Variants in SNTG1 observed in about 807,000 individuals in gnomAD.
SNTG1 encodes syntrophin gamma 1.
SNTG1 carries 39 observed loss-of-function variants against 74.7 expected under a neutral mutation model. The observed-to-expected ratio is 0.52, with a 90% CI of 0.40 to 0.68. SNTG1 has a LOEUF of 0.68. Ranked by LOEUF, SNTG1 falls within the 30% of genes least tolerant of loss-of-function variation. The pLI, the probability that SNTG1 is intolerant of heterozygous loss-of-function variation, is 0.00. For missense variants in SNTG1, 685 were observed against 609.5 expected, an observed-to-expected ratio of 1.12 and a Z score of -1.30; for synonymous variants, 254 against 217.1, an observed-to-expected ratio of 1.17 and a Z score of -1.49.
At chr8:50,648,885 G>C (rs1436460277) in intron 13 of SNTG1, among the ~76,000 whole-genome samples, 1 of 151,974 alleles carries the variant, frequency 6.6e-6, no homozygotes, top group Non-Finnish European at 1.5e-5. Flanking sequence ...TGATAATAAT[G>C]GTCTTGCTTT....
At chr8:50,763,760 G>A (rs868324770) in intron 18 of SNTG1, among the ~76,000 whole-genome samples, 4 of 144,014 alleles carry the variant, frequency 2.8e-5, no homozygotes, top group South Asian at 2.2e-4. Flanking sequence ...TTGTTAAAAC[G>A]TCTATATTAC....
intron 8 of SNTG1, among the ~76,000 whole-genome samples, chr8:50,478,656 C>A (rs2093715613): frequency 6.6e-6 from 1 of 152,106 alleles, no homozygotes; most frequent in South Asian, 2.1e-4. Context: ...ATGTGTGTGG[C>A]TGAAACTATC....
chr8:50,251,231 G>T (rs753446936), intron 2 of SNTG1, among the ~76,000 whole-genome samples: 1 of 151,826 alleles, frequency 6.6e-6, no homozygotes, highest in Admixed American at 6.6e-5. Flanking sequence ...TAGTAAATGT[G>T]CAAATGAGAA....
chr8:50,368,552 A>C (rs1258556058), intron 2 of SNTG1, among the ~76,000 whole-genome samples: 1 of 152,186 alleles, frequency 6.6e-6, no homozygotes, highest in Non-Finnish European at 1.5e-5. Context: ...TTAATCAGCC[A>C]TATCAGCAGA....
At chr8:50,552,191 C>T (rs1196179474) in intron 11 of SNTG1, among the ~76,000 whole-genome samples, 1 of 152,158 alleles carries the variant, frequency 6.6e-6, no homozygotes, top group Non-Finnish European at 1.5e-5. Context: ...AAGCCTGAGA[C>T]TTTGGCTAGT....
chr8:50,563,551 A>G (rs2094499780), intron 12 of SNTG1, among the ~76,000 whole-genome samples: 2 of 152,140 alleles, frequency 1.3e-5, no homozygotes, highest in Non-Finnish European at 2.9e-5. Context: ...TCTGTCTCTC[A>G]TAATGAAATG....
At chr8:50,524,013 T>G (rs1269414027) in intron 9 of SNTG1, among the ~76,000 whole-genome samples, 1 of 152,184 alleles carries the variant, frequency 6.6e-6, no homozygotes, top group East Asian at 1.9e-4. Flanking sequence ...GTCATTTTGT[T>G]GTTTTCTGTA....
At chr8:50,453,481 G>T (rs1469837722) in intron 8 of SNTG1, among the ~76,000 whole-genome samples, 1 of 152,118 alleles carries the variant, frequency 6.6e-6, no homozygotes, top group Middle Eastern at 3.2e-3. Flanking sequence ...GCACCGCTTG[G>T]CATGCAGCAT....
chr8:50,549,736 T>G (rs933147099), intron 11 of SNTG1, among the ~76,000 whole-genome samples: 1 of 152,120 alleles, frequency 6.6e-6, no homozygotes, highest in Non-Finnish European at 1.5e-5. Context: ...ATATACTATG[T>G]TTTTCATGCC....
chr8:50,773,759 G>T (rs1340771209), intron 18 of SNTG1, among the ~76,000 whole-genome samples: 1 of 152,030 alleles, frequency 6.6e-6, no homozygotes, highest in Non-Finnish European at 1.5e-5. Flanking sequence ...AGACTCAATA[G>T]AAGCTTTCTT....
At chr8:50,572,821 C>A (rs899542967) in intron 12 of SNTG1, among the ~76,000 whole-genome samples, 1 of 152,096 alleles carries the variant, frequency 6.6e-6, no homozygotes, top group South Asian at 2.1e-4. Flanking sequence ...TAGGTTCTAA[C>A]ACATTTGTTA....
In SNTG1 at chr8:49,993,010, A is replaced by G. The variant is rs534045885; in HGVS notation, c.-103+80779A>G. On this transcript the variant is annotated intron_variant, in intron 1 of 18. Transcript: ENST00000642720. The stretch of plus-strand genomic sequence containing the variant: ...TTCTGCAGAAATGTGTAATTAATAA[A>G]TACCATTTACATGTTTTAAATCTTT... Among the ~76,000 whole-genome samples, 6 of 152,320 alleles carry G rather than the reference A, an allele frequency of 3.9e-5. 1 individual carries two copies. Among genetic ancestry groups the G allele is most frequent in the African/African-American group, 1.2e-4 (5 of 41,580 alleles).
At chr8:50,126,470 T>C (rs2081142911) in intron 1 of SNTG1, among the ~76,000 whole-genome samples, 1 of 152,098 alleles carries the variant, frequency 6.6e-6, no homozygotes, top group South Asian at 2.1e-4. Flanking sequence ...TGTAAGAAAT[T>C]AGTGTGCATT....
At chr8:50,225,391 C>T (rs1165496553) in intron 2 of SNTG1, among the ~76,000 whole-genome samples, 1 of 152,220 alleles carries the variant, frequency 6.6e-6, no homozygotes, top group African/African-American at 2.4e-5. Flanking sequence ...TTTAGATAAA[C>T]TATAAATGCT....
intron 2 of SNTG1, among the ~76,000 whole-genome samples, chr8:50,306,156 T>C (rs2089888310): frequency 6.6e-6 from 1 of 151,928 alleles, no homozygotes; most frequent in African/African-American, 2.4e-5. Context: ...TATTTGATTT[T>C]CCATTTTTGA....
At chr8:50,750,580 AC>A (rs1460162498) in intron 17 of SNTG1, among the ~76,000 whole-genome samples, 6 of 151,844 alleles carry the variant, frequency 4.0e-5, no homozygotes, top group Admixed American at 3.3e-4. Flanking sequence ...TGTCACAGCC[AC>A]CCCAACCACC....
At chr8:50,160,379 T>G (rs1052971673) in intron 1 of SNTG1, among the ~76,000 whole-genome samples, 5 of 152,170 alleles carry the variant, frequency 3.3e-5, no homozygotes, top group Non-Finnish European at 7.4e-5. Flanking sequence ...TGAGATGAAT[T>G]TGAAAGGGAA....
intron 8 of SNTG1, among the ~76,000 whole-genome samples, chr8:50,468,632 T>A (rs1294520004): frequency 6.6e-6 from 1 of 152,160 alleles, no homozygotes; most frequent in Non-Finnish European, 1.5e-5. Context: ...AATATAAAGT[T>A]ATTGATGTAA....
At chr8:50,214,009 C>T (rs1354606366) in intron 2 of SNTG1, among the ~76,000 whole-genome samples, 1 of 151,956 alleles carries the variant, frequency 6.6e-6, no homozygotes, top group African/African-American at 2.4e-5. Context: ...TTCCCCATGC[C>T]TATGTCCTGA....
Sources: gnomAD v4.1 joint callset for allele counts (sites outside exome capture counted in the v4.1 genomes callset) on GRCh38, gnomAD v4.1.1 for gene constraint, MANE v1.5 for transcripts, NCBI Gene and HGNC (gene_info 2026-07-23, HGNC 2026-07-21) for gene names.